CDH13: variants seen among roughly 807,000 people sequenced by gnomAD.
The protein encoded by CDH13 is cadherin-13.
CDH13 carries 24 observed loss-of-function variants against 63.8 expected under a neutral mutation model. The observed-to-expected ratio is 0.38, with a 90% CI of 0.27 to 0.53. The LOEUF (loss-of-function observed/expected upper bound fraction) is 0.53, where lower values mean the gene tolerates loss of function less well. CDH13 is among the 20% of genes least tolerant of loss of function. CDH13 has a pLI of 0.85. For synonymous variants in CDH13, 503 were observed against 355.3 expected (o/e 1.42, Z -4.67); for missense variants, 1,049 against 903.1 (o/e 1.16, Z -2.07).
At chr16:83,392,542 C>G (rs951618852) in intron 6 of CDH13, among the ~76,000 whole-genome samples, 2 of 152,156 alleles carry the variant, frequency 1.3e-5, no homozygotes, top group Non-Finnish European at 2.9e-5. Context: ...TGACCACTCA[C>G]AGTAAGAACA....
At chr16:83,042,750 C>G (rs186578937) in intron 3 of CDH13, among the ~76,000 whole-genome samples, 1 of 152,250 alleles carries the variant, frequency 6.6e-6, no homozygotes, top group African/African-American at 2.4e-5. Context: ...GTCTCTAAAC[C>G]GTCTCACATT....
At chr16:82,673,451 A>C (rs1246670182) in intron 1 of CDH13, among the ~76,000 whole-genome samples, 1 of 152,080 alleles carries the variant, frequency 6.6e-6, no homozygotes, top group Non-Finnish European at 1.5e-5. Flanking sequence ...TGCACAACAA[A>C]CGTTTATTGA....
chr16:83,445,252 T>G (rs1023892729), intron 6 of CDH13, among the ~76,000 whole-genome samples: 2 of 71,794 alleles, frequency 2.8e-5, no homozygotes, highest in African/African-American at 8.2e-5. Flanking sequence ...TTATAAAAGC[T>G]TTTATAATTT....
chr16:82,950,151 A>G (rs1905143074), intron 2 of CDH13, among the ~76,000 whole-genome samples: 1 of 152,092 alleles, frequency 6.6e-6, no homozygotes. Context: ...AGGTGTAGGT[A>G]GGGCTGGTTT....
chr16:82,978,415 C>A (rs571970024), intron 2 of CDH13, among the ~76,000 whole-genome samples: 53 of 152,332 alleles, frequency 3.5e-4, no homozygotes, highest in Non-Finnish European at 6.6e-4. Flanking sequence ...GTCTTCATGG[C>A]AGCCCCTCCC....
chr16:83,075,157 T>C (rs1026739510), intron 3 of CDH13, among the ~76,000 whole-genome samples: 1 of 152,200 alleles, frequency 6.6e-6, no homozygotes, highest in South Asian at 2.1e-4. Context: ...TTGCCCACAG[T>C]GGAAGTCTTT....
intron 10 of CDH13, among the ~76,000 whole-genome samples, chr16:83,728,257 T>TGACCCCAC (rs1685276376): frequency 1.3e-5 from 2 of 152,046 alleles, no homozygotes. Context: ...TCTCACGGGC[T>TGACCCCAC]GACCCCACAA....
At chr16:83,223,654 C>A (rs1355762505) in intron 5 of CDH13, among the ~76,000 whole-genome samples, 1 of 152,236 alleles carries the variant, frequency 6.6e-6, no homozygotes, top group Admixed American at 6.5e-5. Flanking sequence ...CCGCCACTCA[C>A]TTCCATCCAG....
rs370674928 is a variant in CDH13, at chr16:83,670,771, C to T, written c.1102-19C>T. 2.7e-5 allele frequency: 43 copies of T among 1,612,624 alleles called. No homozygotes were observed. In the Middle Eastern group the frequency reaches 1.2e-3, roughly 43 times the overall value. ...TGTGTTTTCAAAATAGTGACCATTACCATCTGCTTTGTTTGCAGTTTCAAG... is the reference window on the plus strand; with the variant it reads ...TGTGTTTTCAAAATAGTGACCATTATCATCTGCTTTGTTTGCAGTTTCAAG... On this transcript the variant is annotated intron_variant, in intron 8 of 13. Coordinates refer to ENST00000567109, the MANE Select transcript of CDH13 (RefSeq NM_001257.5).
At chr16:83,094,754 T>G (rs1183907236) in intron 3 of CDH13, among the ~76,000 whole-genome samples, 1 of 152,156 alleles carries the variant, frequency 6.6e-6, no homozygotes, top group Non-Finnish European at 1.5e-5. Flanking sequence ...CCCCTGAAAG[T>G]GTGGTTTAAA....
intron 7 of CDH13, among the ~76,000 whole-genome samples, chr16:83,533,275 G>A (rs915800077): frequency 5.3e-5 from 8 of 152,166 alleles, no homozygotes; most frequent in African/African-American, 1.9e-4. Context: ...ACTTAAATGT[G>A]CTCGGAAAAT....
intron 1 of CDH13, among the ~76,000 whole-genome samples, chr16:82,854,953 A>C (rs1335447291): frequency 1.3e-5 from 2 of 151,988 alleles, no homozygotes; most frequent in South Asian, 4.2e-4. Flanking sequence ...GAATCCCAGG[A>C]GTCTAATAGG....
intron 1 of CDH13, among the ~76,000 whole-genome samples, chr16:82,778,166 A>G (rs913712027): frequency 2.0e-5 from 3 of 152,182 alleles, no homozygotes; most frequent in East Asian, 1.9e-4. Context: ...ACGCAAAATG[A>G]TGGGTCAAAT....
intron 1 of CDH13, among the ~76,000 whole-genome samples, chr16:82,740,550 C>T (rs1454281481): frequency 6.6e-6 from 1 of 152,174 alleles, no homozygotes; most frequent in Non-Finnish European, 1.5e-5. Context: ...CACATTGCTC[C>T]ATAGGCTGAG....
Position 83,262,587 on chromosome 16 carries a change from T to C in CDH13, c.636+45090T>C, listed in dbSNP as rs575451180. Among the ~76,000 whole-genome samples the C allele has an allele frequency of 3.9e-5, 6 of 152,326 alleles. No homozygotes were observed. In the East Asian group the frequency reaches 7.7e-4, roughly 20 times the overall value. ...CTGGAGACCCTAGAGAATGTTCTCA[T>C]TGGAGTCCCCCTCATTTACCTTGGA... On this transcript the variant is annotated intron_variant, in intron 5 of 13. Transcript: ENST00000567109.
chr16:83,155,452 C>T (rs577007321), intron 4 of CDH13, among the ~76,000 whole-genome samples: 61 of 152,218 alleles, frequency 4.0e-4, no homozygotes, highest in Non-Finnish European at 7.1e-4. Flanking sequence ...GGGCAAAGGA[C>T]GATGGGGAAA....
chr16:83,051,631 C>T (rs1336008913), intron 3 of CDH13, among the ~76,000 whole-genome samples: 1 of 152,192 alleles, frequency 6.6e-6, no homozygotes, highest in Non-Finnish European at 1.5e-5. Flanking sequence ...TTCATTAAGA[C>T]ACTCCGGATT....
chr16:82,705,176 T>C (rs1364585265), intron 1 of CDH13: 1 of 455,794 alleles, frequency 2.2e-6, no homozygotes, highest in African/African-American at 2.0e-5. Context: ...GGTAAACAGA[T>C]TGCTTCCAGG....
intron 13 of CDH13, among the ~76,000 whole-genome samples, chr16:83,788,878 T>G (rs1275188929): frequency 6.6e-6 from 1 of 152,108 alleles, no homozygotes; most frequent in Non-Finnish European, 1.5e-5. Context: ...TGGAAAGTAT[T>G]CAGTTGACAC....
Sources: gnomAD v4.1 joint callset for allele counts (sites outside exome capture counted in the v4.1 genomes callset) on GRCh38, gnomAD v4.1.1 for gene constraint, MANE v1.5 for transcripts, NCBI Gene and HGNC (gene_info 2026-07-23, HGNC 2026-07-21) for gene names.